Variants in ANKRD6 observed in about 807,000 individuals in gnomAD.
The protein encoded by ANKRD6 is ankyrin repeat domain 6, also known as ankyrin repeat domain-containing protein 6.
A neutral mutation model predicts 82.3 loss-of-function variants in ANKRD6; 56 were observed. The observed-to-expected ratio is 0.68, with a 90% confidence interval of 0.55 to 0.85. The LOEUF is 0.85. ANKRD6 is among the 40% of genes least tolerant of loss of function. The pLI, the probability that ANKRD6 is intolerant of heterozygous loss-of-function variation, is 0.00. For missense variants in ANKRD6, 852 were observed against 907.6 expected, an observed-to-expected ratio of 0.94 and a Z score of 0.79; for synonymous variants, 347 against 352.1, an observed-to-expected ratio of 0.99 and a Z score of 0.16.
chr6:89,460,135 A>G (rs1773949131), intron 1 of ANKRD6, among the ~76,000 whole-genome samples: 1 of 150,048 alleles, frequency 6.7e-6, no homozygotes, highest in Admixed American at 6.8e-5. Flanking sequence ...TTCCTATAGC[A>G]CACTAGATAT....
chr6:89,580,859 G>A (rs1792362288), intron 2 of ANKRD6, among the ~76,000 whole-genome samples: 2 of 152,164 alleles, frequency 1.3e-5, no homozygotes, highest in South Asian at 4.1e-4. Flanking sequence ...CAGGACGTGG[G>A]GGAAATTGAC....
intron 1 of ANKRD6, among the ~76,000 whole-genome samples, chr6:89,485,387 G>A (rs1209134520): frequency 6.6e-6 from 1 of 152,202 alleles, no homozygotes; most frequent in Non-Finnish European, 1.5e-5. Flanking sequence ...AATCTCTACT[G>A]TAAGCACAGA....
chr6:89,438,996 G>A (rs1770999267), intron 1 of ANKRD6, among the ~76,000 whole-genome samples: 1 of 151,834 alleles, frequency 6.6e-6, no homozygotes, highest in Admixed American at 6.6e-5. Flanking sequence ...GTATGTGTTT[G>A]TATATATGTA....
chr6:89,568,361 C>T (rs1417457121), intron 2 of ANKRD6: 1 of 152,170 alleles, frequency 6.6e-6, no homozygotes, highest in Non-Finnish European at 1.5e-5. Flanking sequence ...GTTATAAGAA[C>T]AATAACTTAT....
rs529857713 is a variant in ANKRD6, at chr6:89,631,604, A to T, written c.*600A>T. ...CAAGATCCAATATATCTTATGATAAAATTTATTGAAAAGTCAGTTTATTTA... is the reference window on the plus strand; with the variant it reads ...CAAGATCCAATATATCTTATGATAATATTTATTGAAAAGTCAGTTTATTTA... On this transcript the variant is annotated 3_prime_UTR_variant, in exon 16 of 16. Coordinates refer to ENST00000339746, the MANE Select transcript of ANKRD6 (RefSeq NM_001242809.2). The T allele has an allele frequency of 6.6e-6, 1 of 152,352 alleles. No individual in the cohort carries two copies. The highest frequency in any genetic ancestry group is 2.1e-4 in the South Asian group (1 of 4,828). The allele number at this position is 152,352 out of a possible 1,614,324, so 9.4% of individuals were successfully genotyped here.
intron 1 of ANKRD6, among the ~76,000 whole-genome samples, chr6:89,490,698 C>G (rs1419926040): frequency 6.6e-6 from 1 of 152,170 alleles, no homozygotes; most frequent in Non-Finnish European, 1.5e-5. Flanking sequence ...TTCAGCTGGA[C>G]CAAACACAGC....
chr6:89,607,474 G>A (rs560318374), intron 5 of ANKRD6, among the ~76,000 whole-genome samples: 10 of 152,166 alleles, frequency 6.6e-5, no homozygotes, highest in African/African-American at 2.4e-4. Flanking sequence ...ATCATATATA[G>A]TACATGTCCC....
Position 89,595,956 on chromosome 6 carries a change from A to G in ANKRD6, c.161A>G (p.His54Arg). 3 of 1,611,156 alleles carry G rather than the reference A, an allele frequency of 1.9e-6. No homozygotes were observed. Among genetic ancestry groups the G allele is most frequent in the Non-Finnish European group, 2.5e-6 (3 of 1,178,804 alleles). ...TPLHLAANKG[H>R]LPVVQILLKA... ...CTGCATCTTGCTGCCAATAAGGGCC[A>G]TCTTCCTGTGGTCCAGATCTTGCTG... The change falls in exon 3 of 16, where the codon CAT becomes CGT. Residue 54 changes from histidine (H) to arginine (R), a missense_variant. Coordinates refer to ENST00000339746, the MANE Select transcript of ANKRD6 (RefSeq NM_001242809.2).
At position 89,631,864 on chromosome 6, in the gene ANKRD6, T is replaced by TAATG. The variant is rs1807470684; in HGVS notation, c.*864_*867dup. 1 of 152,254 alleles carries TAATG rather than the reference T, an allele frequency of 6.6e-6. No homozygotes were observed. The highest frequency in any genetic ancestry group is 1.5e-5 in the Non-Finnish European group (1 of 68,046). The allele number at this position is 152,254 out of a possible 1,614,324, so 9.4% of individuals were successfully genotyped here. Reference sequence around the variant, plus strand: ...TTTGAGATTTTTGCTCTACATTTTATAATGAATAAGGCTATTTTTTGAAAG... The same window carrying TAATG: ...TTTGAGATTTTTGCTCTACATTTTATAATGAATGAATAAGGCTATTTTTTGAAAG... On this transcript the variant is annotated 3_prime_UTR_variant, in exon 16 of 16. Transcript: ENST00000339746.
chr6:89,541,058 G>A (rs979045274), intron 1 of ANKRD6, among the ~76,000 whole-genome samples: 4 of 152,126 alleles, frequency 2.6e-5, no homozygotes, highest in African/African-American at 7.2e-5. Flanking sequence ...GTCAGGTAAT[G>A]TGATTCCTCC....
chr6:89,552,187 A>G (rs1331691753), intron 1 of ANKRD6, among the ~76,000 whole-genome samples: 4 of 152,236 alleles, frequency 2.6e-5, no homozygotes, highest in Admixed American at 6.5e-5. Context: ...TGCTGACTGA[A>G]GATAAGCTGA....
At chr6:89,476,210 G>T (rs2127797323) in intron 1 of ANKRD6, among the ~76,000 whole-genome samples, 1 of 151,910 alleles carries the variant, frequency 6.6e-6, no homozygotes, top group East Asian at 1.9e-4. Flanking sequence ...TTTTAAGACG[G>T]ATTCTTGCTT....
At chr6:89,466,894 A>G (rs1774909641) in intron 1 of ANKRD6, among the ~76,000 whole-genome samples, 1 of 152,176 alleles carries the variant, frequency 6.6e-6, no homozygotes, top group South Asian at 2.1e-4. Context: ...TTTTATAGAA[A>G]TGGGGTCTTA....
intron 2 of ANKRD6, among the ~76,000 whole-genome samples, chr6:89,584,585 A>C (rs1328308736): frequency 1.3e-5 from 2 of 152,220 alleles, no homozygotes; most frequent in Non-Finnish European, 2.9e-5. Flanking sequence ...GTGGGTGAAT[A>C]GGTAGCAGCT....
At chr6:89,436,851 A>G (rs528700322) in intron 1 of ANKRD6, among the ~76,000 whole-genome samples, 1 of 152,290 alleles carries the variant, frequency 6.6e-6, no homozygotes, top group South Asian at 2.1e-4. Context: ...CATTATCTCT[A>G]TTTCCCAGCT....
At chr6:89,626,045 A>G (rs1044563765) in intron 13 of ANKRD6, among the ~76,000 whole-genome samples, 2 of 152,070 alleles carry the variant, frequency 1.3e-5, no homozygotes, top group African/African-American at 4.8e-5. Context: ...CTTTTTTTAA[A>G]AAAGTTTTTG....
chr6:89,613,965 C>A (rs949517861), intron 7 of ANKRD6, 75 bp downstream of exon 7: 3 of 1,472,120 alleles, frequency 2.0e-6, no homozygotes, highest in African/African-American at 2.8e-5. Context: ...TTAGTGCAAA[C>A]GGGAGCAGAG....
At chr6:89,573,863 C>T (rs1220674753) in intron 2 of ANKRD6, among the ~76,000 whole-genome samples, 2 of 152,154 alleles carry the variant, frequency 1.3e-5, no homozygotes, top group Non-Finnish European at 2.9e-5. Flanking sequence ...GAAGGACCTG[C>T]CCATTCAGGA....
intron 1 of ANKRD6, among the ~76,000 whole-genome samples, chr6:89,436,833 A>AG (rs1047444615): frequency 3.9e-5 from 6 of 152,224 alleles, no homozygotes; most frequent in Non-Finnish European, 8.8e-5. Flanking sequence ...AGAAAAGCTT[A>AG]GGGGTGACAT....
Sources: gnomAD v4.1 joint callset for allele counts (sites outside exome capture counted in the v4.1 genomes callset) on GRCh38, gnomAD v4.1.1 for gene constraint, MANE v1.5 for transcripts, NCBI Gene and HGNC (gene_info 2026-07-23, HGNC 2026-07-21) for gene names.